The following SLIT2 variants were observed in gnomAD, a reference collection of about 807,000 sequenced individuals.
SLIT2 encodes the protein slit guidance ligand 2, also known as slit homolog 2 protein.
SLIT2 carries 41 observed loss-of-function variants against 185.7 expected under a neutral mutation model. The ratio of observed to expected loss-of-function variants is 0.22; its 90% CI spans 0.17 to 0.29. SLIT2 has a LOEUF of 0.29. Ranked by LOEUF, SLIT2 falls within the 10% of genes least tolerant of loss-of-function variation. The pLI is 1.00. For missense variants in SLIT2, 1,571 were observed against 1,909.0 expected, an observed-to-expected ratio of 0.82 and a Z score of 3.30; for synonymous variants, 693 against 680.2, an observed-to-expected ratio of 1.02 and a Z score of -0.29.
At chr4:20,463,477 ATATATATATATATATG>A (rs1446177956) in intron 4 of SLIT2, among the ~76,000 whole-genome samples, 2,481 of 93,650 alleles carry the variant, frequency 0.026, 122 homozygotes, top group African/African-American at 0.087. Context: ...ATATATATAT[ATATATATATATATATG>A]TGTGTGTGCG....
intron 3 of SLIT2, among the ~76,000 whole-genome samples, chr4:20,267,875 A>G (rs1364345311): frequency 6.6e-6 from 1 of 151,880 alleles, no homozygotes; most frequent in Non-Finnish European, 1.5e-5. Flanking sequence ...ACTATACTAT[A>G]TAATATGCCT....
chr4:20,463,223 C>G (rs1713917285), intron 4 of SLIT2, among the ~76,000 whole-genome samples: 1 of 151,744 alleles, frequency 6.6e-6, no homozygotes, highest in South Asian at 2.1e-4. Context: ...CAATTCCTGC[C>G]ACCCACCACC....
At chr4:20,417,417 C>T (rs895909166) in intron 4 of SLIT2, among the ~76,000 whole-genome samples, 1 of 109,466 alleles carries the variant, frequency 9.1e-6, no homozygotes, top group Admixed American at 9.6e-5. Context: ...TTCCCGCAAT[C>T]ATATATATAT....
At chr4:20,516,022 G>T (rs770746206) in intron 11 of SLIT2, among the ~76,000 whole-genome samples, 1 of 152,162 alleles carries the variant, frequency 6.6e-6, no homozygotes, top group Non-Finnish European at 1.5e-5. Context: ...TCACTGCGTT[G>T]GCCAGGCTGG....
intron 4 of SLIT2, among the ~76,000 whole-genome samples, chr4:20,442,663 T>C (rs1729860791): frequency 6.6e-6 from 1 of 152,068 alleles, no homozygotes; most frequent in Non-Finnish European, 1.5e-5. Context: ...GATGTTACTC[T>C]CAGTGAGTAA....
rs1729963466 is a variant in SLIT2, at chr4:20,619,968, A to C, written c.*959A>C. ...CATAGGGTTTTATCTTGGGATACATATGTATTGGTCTGTTTGTTGACCTTG... is the reference window on the plus strand; with the variant it reads ...CATAGGGTTTTATCTTGGGATACATCTGTATTGGTCTGTTTGTTGACCTTG... On this transcript the variant is annotated 3_prime_UTR_variant, in exon 37 of 37. Transcript: ENST00000504154. 7.2e-6 allele frequency: 1 copy of C among 139,038 alleles called. No homozygotes were observed. The highest frequency in any genetic ancestry group is 7.4e-5 in the Admixed American group (1 of 13,538). The allele number at this position is 139,038 out of a possible 1,614,324, so 8.6% of individuals were successfully genotyped here.
At chr4:20,454,676 C>T (rs1318099058) in intron 4 of SLIT2, among the ~76,000 whole-genome samples, 1 of 152,152 alleles carries the variant, frequency 6.6e-6, no homozygotes, top group African/African-American at 2.4e-5. Context: ...AAATTTATTG[C>T]TTCACAGTGA....
At chr4:20,401,875 A>C (rs1436368986) in intron 4 of SLIT2, among the ~76,000 whole-genome samples, 3 of 151,972 alleles carry the variant, frequency 2.0e-5, no homozygotes, top group African/African-American at 7.2e-5. Context: ...ATCTTAGTTT[A>C]TAAAAATTAT....
chr4:20,537,569 T>TA (rs1337081593), intron 18 of SLIT2, among the ~76,000 whole-genome samples: 1 of 152,186 alleles, frequency 6.6e-6, no homozygotes, highest in Non-Finnish European at 1.5e-5. Context: ...AAATTCCACT[T>TA]TCTCCTTTCA....
chr4:20,337,053 C>A (rs923123490), intron 4 of SLIT2, among the ~76,000 whole-genome samples: 1 of 152,108 alleles, frequency 6.6e-6, no homozygotes, highest in South Asian at 2.1e-4. Flanking sequence ...TATTAGAATT[C>A]TTTTAGTAAA....
intron 3 of SLIT2, among the ~76,000 whole-genome samples, chr4:20,265,643 G>A (rs575797380): frequency 2.6e-5 from 4 of 151,318 alleles, no homozygotes; most frequent in African/African-American, 9.7e-5. Flanking sequence ...AGAATTCTTC[G>A]TATATATTTT....
At chr4:20,292,528 G>A (rs1158109431) in intron 4 of SLIT2, among the ~76,000 whole-genome samples, 1 of 152,070 alleles carries the variant, frequency 6.6e-6, no homozygotes, top group Non-Finnish European at 1.5e-5. Context: ...AGACGGAGAA[G>A]GAGAAGAAGG....
At position 20,484,994 on chromosome 4, in the gene SLIT2, A is replaced by G. The variant is rs771251844; in HGVS notation, c.540-1206A>G. Among the ~76,000 whole-genome samples the G allele has an allele frequency of 3.4e-4, 51 of 152,048 alleles. 1 individual carries two copies. Among genetic ancestry groups the G allele is most frequent in the Non-Finnish European group, 3.1e-4 (21 of 67,974 alleles). ...GCTCAGGCCCTGCAGTGAACTTGCA[A>G]CCCCTAATTCAAATCCTTGTCCAGT... On this transcript the variant is annotated intron_variant, in intron 6 of 36. Transcript: ENST00000504154. This position sits in a 1 kb window ranked among gnomAD's most constrained non-coding sequence, Gnocchi z 4.3.
intron 4 of SLIT2, among the ~76,000 whole-genome samples, chr4:20,442,248 G>A (rs1001298461): frequency 2.6e-5 from 4 of 152,120 alleles, no homozygotes; most frequent in Admixed American, 2.0e-4. Context: ...GGCCGGGCGC[G>A]GTGGCTCACG....
At chr4:20,402,708 C>T (rs560554401) in intron 4 of SLIT2, among the ~76,000 whole-genome samples, 126 of 151,626 alleles carry the variant, frequency 8.3e-4, no homozygotes, top group African/African-American at 2.8e-3. Context: ...CAATTTGCCT[C>T]GAGTATTTAA....
At chr4:20,366,250 C>G (rs1433580519) in intron 4 of SLIT2, among the ~76,000 whole-genome samples, 5 of 152,096 alleles carry the variant, frequency 3.3e-5, no homozygotes, top group South Asian at 2.1e-4. Flanking sequence ...TTTGCTCATT[C>G]TGAAACTGGT....
At chr4:20,472,999 C>T (rs1715724929) in intron 5 of SLIT2, among the ~76,000 whole-genome samples, 2 of 151,608 alleles carry the variant, frequency 1.3e-5, no homozygotes, top group Non-Finnish European at 1.5e-5. Flanking sequence ...ATCACAAAAA[C>T]AAAATCTAAT....
At chr4:20,517,101 A>G (rs1050742152) in intron 11 of SLIT2, among the ~76,000 whole-genome samples, 1 of 152,220 alleles carries the variant, frequency 6.6e-6, no homozygotes, top group South Asian at 2.1e-4. Flanking sequence ...ATACTCATGC[A>G]GGTCCTCCAC....
intron 4 of SLIT2, among the ~76,000 whole-genome samples, chr4:20,411,084 T>A (rs1727221060): frequency 6.6e-6 from 1 of 152,232 alleles, no homozygotes. Context: ...TCATCTCTGA[T>A]TTCTTTGAGC....
Sources: allele counts gnomAD v4.1 joint callset (sites outside exome capture counted in the v4.1 genomes callset), GRCh38; gene constraint gnomAD v4.1.1; non-coding constraint Gnocchi (gnomAD v3.1); transcripts MANE v1.5; gene names NCBI Gene and HGNC (gene_info 2026-07-23, HGNC 2026-07-21).